The following ACOT1 variants were observed in gnomAD, a reference collection of about 807,000 sequenced individuals.
ACOT1 encodes the protein acyl-coenzyme A thioesterase 1.
In ACOT1, 8 loss-of-function variants were observed where a neutral mutation model predicts 15.7. That is an observed-to-expected ratio of 0.51 (90% confidence interval 0.30 to 0.92). The LOEUF is 0.92. Ranked by LOEUF, ACOT1 falls within the 40% of genes least tolerant of loss-of-function variation. The pLI is 0.06. For synonymous variants in ACOT1, 67 were observed against 241.2 expected, an observed-to-expected ratio of 0.28 and a Z score of 6.69; for missense variants, 151 against 539.4, an observed-to-expected ratio of 0.28 and a Z score of 7.13.
the ACOT1 span, chr14:73,492,477 G>C: frequency 6.2e-7 from 1 of 1,613,544 alleles, no homozygotes; most frequent in Non-Finnish European, 8.5e-7. This position sits in a 1 kb window ranked among gnomAD's most constrained non-coding sequence, Gnocchi z 4.9. Flanking sequence ...TTGGTTGCCC[G>C]CCTGGGACAC....
At chr14:73,515,063 G>A in the ACOT1 span, among the ~76,000 whole-genome samples, 4 of 131,352 alleles carry the variant, frequency 3.0e-5, no homozygotes, top group African/African-American at 1.3e-4. Context: ...GTGAGACTCC[G>A]TTCTCAAAAA....
At chr14:73,527,143 A>T in the ACOT1 span, 2 of 152,172 alleles carry the variant, frequency 1.3e-5, no homozygotes, top group Non-Finnish European at 2.9e-5. Flanking sequence ...ACAGCACTTA[A>T]TCCCCTTTGA....
chr14:73,524,855 T>C, the ACOT1 span, among the ~76,000 whole-genome samples: 1 of 152,030 alleles, frequency 6.6e-6, no homozygotes, highest in African/African-American at 2.4e-5. Flanking sequence ...TCCTGCCCGG[T>C]GTCCAAGGTG....
At chr14:73,519,194 C>T in the ACOT1 span, 2 of 1,588,668 alleles carry the variant, frequency 1.3e-6, no homozygotes, top group South Asian at 1.1e-5. Context: ...AATGAGTCCC[C>T]TATAACCTCC....
Position 73,541,743 on chromosome 14 carries a change from C to T in ACOT1, c.660+48C>T, listed in dbSNP as rs1444293573. 57 of 1,174,952 alleles carry T rather than the reference C, an allele frequency of 4.9e-5. 16 individuals are homozygous for T. The highest frequency in any genetic ancestry group is 5.7e-5 in the Non-Finnish European group (50 of 872,622). 72.8% of individuals were successfully genotyped at this position (1,174,952 alleles called of 1,614,324 possible). A position where few individuals can be genotyped will look rare whatever the true frequency, so the allele number is the denominator to read the frequency against. The stretch of plus-strand genomic sequence containing the variant: ...TGGGCTATGATGTATCAGGTCTCTT[C>T]TTAAATGGTCTGGGTTTTCACAGAA... On this transcript the variant is annotated intron_variant, in intron 2 of 2. Transcript: ENST00000311148.
chr14:73,513,489 G>A, the ACOT1 span, among the ~76,000 whole-genome samples: 38 of 151,566 alleles, frequency 2.5e-4, no homozygotes, highest in Middle Eastern at 3.4e-3. Flanking sequence ...TGGCGCGGTG[G>A]CCAAGGCGGG....
At chr14:73,536,983 GTTGT>G (rs200354191), upstream of ACOT1, 176 of 120,840 alleles carry the variant, frequency 1.5e-3, 7 homozygotes, top group Middle Eastern at 3.7e-3. Flanking sequence ...CCTGGTTGTT[GTTGT>G]TTTTTTTTTT....
chr14:73,507,030 T>C, the ACOT1 span, among the ~76,000 whole-genome samples: 1 of 152,020 alleles, frequency 6.6e-6, no homozygotes, highest in Non-Finnish European at 1.5e-5. Flanking sequence ...CTTGAATTCC[T>C]GACCTCAGGT....
Position 73,538,611 on chromosome 14 carries a change from CAAAAAAA to C in ACOT1, c.457+746_457+752del, listed in dbSNP as rs59948219. On this transcript the variant is annotated intron_variant, in intron 1 of 2. Coordinates refer to ENST00000311148, the MANE Select transcript of ACOT1 (RefSeq NM_001037161.2). ...TGGGCAATAGAGTGAGACTCCGTCT[CAAAAAAA>C]AAAAAAAAAAAAGGCATTGTAAGGA... Among the ~76,000 whole-genome samples, 2 of 27,246 alleles carry C rather than the reference CAAAAAAA, an allele frequency of 7.3e-5. 1 individual carries two copies. Among genetic ancestry groups the C allele is most frequent in the Non-Finnish European group, 1.7e-4 (2 of 12,106 alleles). 17.9% of individuals were successfully genotyped at this position (27,246 alleles called of 152,430 possible).
the ACOT1 span, chr14:73,496,630 G>A: frequency 5.0e-6 from 8 of 1,603,366 alleles, no homozygotes; most frequent in African/African-American, 1.3e-5. Context: ...AGCATTTCTT[G>A]GTTTCCTTCA....
At chr14:73,502,928 A>G in the ACOT1 span, 4 of 1,613,780 alleles carry the variant, frequency 2.5e-6, no homozygotes, top group African/African-American at 5.3e-5. Context: ...CCCGAGGCTC[A>G]TTTGCCCAAG....
At chr14:73,516,809 A>T in the ACOT1 span, among the ~76,000 whole-genome samples, 1 of 152,198 alleles carries the variant, frequency 6.6e-6, no homozygotes. Context: ...TGCACATGTG[A>T]GGGGTCTAGG....
the ACOT1 span, chr14:73,513,952 C>A: frequency 1.4e-6 from 2 of 1,441,198 alleles, no homozygotes; most frequent in Non-Finnish European, 9.7e-7. Context: ...ATGGATTTTT[C>A]AAAGACTGAG....
chr14:73,499,337 C>T, the ACOT1 span, among the ~76,000 whole-genome samples: 3 of 151,996 alleles, frequency 2.0e-5, no homozygotes, highest in African/African-American at 7.3e-5. Context: ...AAAAATTAGC[C>T]GGGCATGGTG....
At chr14:73,506,002 T>C in the ACOT1 span, among the ~76,000 whole-genome samples, 1 of 150,286 alleles carries the variant, frequency 6.7e-6, no homozygotes, top group Non-Finnish European at 1.5e-5. Flanking sequence ...GCGATTCTCC[T>C]GCCTCAGCCT....
chr14:73,500,858 A>G, the ACOT1 span: 4 of 783,522 alleles, frequency 5.1e-6, no homozygotes, highest in East Asian at 8.0e-5. Context: ...CCTTATGCTC[A>G]TGAGATAAGT....
chr14:73,521,032 T>G, the ACOT1 span: 20 of 1,613,012 alleles, frequency 1.2e-5, no homozygotes, highest in Non-Finnish European at 1.6e-5. Flanking sequence ...TGGAAGTAAC[T>G]GGGCAATCTT....
chr14:73,519,865 A>C, the ACOT1 span: 1 of 152,130 alleles, frequency 6.6e-6, no homozygotes, highest in African/African-American at 2.4e-5. Flanking sequence ...GAAATACAAA[A>C]ATTAGCTGGG....
Position 73,538,399 on chromosome 14 carries a change from G to C in ACOT1, c.457+521G>C, listed in dbSNP as rs1387031403. On this transcript the variant is annotated intron_variant, in intron 1 of 2. Coordinates refer to ENST00000311148, the MANE Select transcript of ACOT1 (RefSeq NM_001037161.2). ...GAAGCCGAGGCGGGCGGATCACGAC[G>C]TCAGGAGATCAAGGCCATCCTGGCT... 2.7e-5 allele frequency among the ~76,000 whole-genome samples: 3 copies of C among 111,020 alleles called. 1 individual carries two copies. The highest frequency in any genetic ancestry group is 5.8e-5 in the Non-Finnish European group (3 of 51,418). The allele number at this position is 111,020 out of a possible 152,430, so 72.8% of individuals were successfully genotyped here.
Sources: allele counts gnomAD v4.1 joint callset (sites outside exome capture counted in the v4.1 genomes callset), GRCh38; gene constraint gnomAD v4.1.1; non-coding constraint Gnocchi (gnomAD v3.1); transcripts MANE v1.5; gene names NCBI Gene and HGNC (gene_info 2026-07-23, HGNC 2026-07-21).